CSMD1: variants seen among roughly 807,000 people sequenced by gnomAD.
CSMD1 encodes the protein CUB and sushi domain-containing protein 1.
CSMD1 carries 213 observed loss-of-function variants against 417.5 expected under a neutral mutation model. The observed-to-expected ratio is 0.51, with a 90% confidence interval of 0.46 to 0.57. The LOEUF (loss-of-function observed/expected upper bound fraction) is 0.57, where lower values mean the gene tolerates loss of function less well. Ranked by LOEUF, CSMD1 falls within the 20% of genes least tolerant of loss-of-function variation. The pLI, the probability that CSMD1 is intolerant of heterozygous loss-of-function variation, is 0.00. For synonymous variants in CSMD1, 2,862 were observed against 1,736.8 expected (o/e 1.65, Z -16.11); for missense variants, 6,923 against 4,529.7 (o/e 1.53, Z -15.17).
At chr8:3,683,921 C>G (rs1034103817) in intron 7 of CSMD1, among the ~76,000 whole-genome samples, 1 of 151,928 alleles carries the variant, frequency 6.6e-6, no homozygotes, top group South Asian at 2.1e-4. Context: ...GACTGTTAGA[C>G]CACTAAGTTT....
At chr8:4,018,021 G>A (rs60003008) in intron 4 of CSMD1, among the ~76,000 whole-genome samples, 3 of 152,038 alleles carry the variant, frequency 2.0e-5, no homozygotes, top group African/African-American at 4.8e-5. Flanking sequence ...TTGTCCACTC[G>A]TAACTGTCAT....
chr8:4,755,470 A>C lies in CSMD1; in HGVS notation c.86-117912T>G, dbSNP rs1476003946. ...TTATTTAAATAAATTTACTGTTTCT[A>C]TGATTGACATTTATTTTTGGCATAA... On this transcript the variant is annotated intron_variant, in intron 1 of 69. Transcript: ENST00000635120. Among the ~76,000 whole-genome samples the C allele has an allele frequency of 2.6e-5, 4 of 152,064 alleles. No individual in the cohort carries two copies. In the East Asian group the frequency reaches 7.7e-4, roughly 29 times the overall value.
At chr8:4,108,132 G>C (rs1010353225) in intron 3 of CSMD1, among the ~76,000 whole-genome samples, 3 of 151,884 alleles carry the variant, frequency 2.0e-5, no homozygotes, top group Non-Finnish European at 2.9e-5. Context: ...AGGAGGGTAG[G>C]GAAGGGGAGA....
At chr8:4,240,027 C>T (rs527295100) in intron 3 of CSMD1, among the ~76,000 whole-genome samples, 29 of 152,348 alleles carry the variant, frequency 1.9e-4, no homozygotes, top group Admixed American at 1.4e-3. Context: ...AGAAGTCCCA[C>T]ATATTTCTTG....
chr8:3,801,971 A>G (rs1800482190), intron 5 of CSMD1, among the ~76,000 whole-genome samples: 1 of 152,088 alleles, frequency 6.6e-6, no homozygotes, highest in South Asian at 2.1e-4. Context: ...GGTACAGAAC[A>G]TTTTTTAGGG....
At chr8:4,158,998 C>T (rs553915784) in intron 3 of CSMD1, among the ~76,000 whole-genome samples, 1 of 152,176 alleles carries the variant, frequency 6.6e-6, no homozygotes, top group Non-Finnish European at 1.5e-5. Flanking sequence ...TCACCACAAC[C>T]TTCACCTCCC....
intron 50 of CSMD1, among the ~76,000 whole-genome samples, chr8:3,037,651 G>A (rs532163477): frequency 6.6e-6 from 1 of 152,178 alleles, no homozygotes; most frequent in East Asian, 1.9e-4. Context: ...AGAGGATATG[G>A]GATTCTTAAG....
chr8:4,666,171 G>C (rs1377497367), intron 1 of CSMD1, among the ~76,000 whole-genome samples: 1 of 152,076 alleles, frequency 6.6e-6, no homozygotes, highest in South Asian at 2.1e-4. Flanking sequence ...GCAGAATAAT[G>C]ACCTCCCAAG....
At chr8:4,356,945 A>C (rs1032000482) in intron 3 of CSMD1, among the ~76,000 whole-genome samples, 1 of 152,236 alleles carries the variant, frequency 6.6e-6, no homozygotes, top group Non-Finnish European at 1.5e-5. Flanking sequence ...AATATGTGAA[A>C]TATAATAGCA....
In CSMD1 at chr8:2,937,402, AATGCAAT is replaced by A. The variant is rs1801552188; in HGVS notation, c.*1176_*1182del. On this transcript the variant is annotated 3_prime_UTR_variant, in exon 70 of 70. Transcript: ENST00000635120. Reference sequence around the variant, plus strand: ...GTGCTACTGTGGTATATTGTCTTTCAATGCAATATCAAAGATCGATGGCACAGTAAAA... The same window carrying A: ...GTGCTACTGTGGTATATTGTCTTTCAATCAAAGATCGATGGCACAGTAAAA... 6.6e-6 allele frequency: 1 copy of A among 150,854 alleles called. No homozygotes were observed. Among genetic ancestry groups the A allele is most frequent in the South Asian group, 2.1e-4 (1 of 4,748 alleles). The allele number at this position is 150,854 out of a possible 1,614,324, so 9.3% of individuals were successfully genotyped here.
chr8:4,173,108 C>CGGAGGAAGTAACTATACAGT (rs1171227051), intron 3 of CSMD1, among the ~76,000 whole-genome samples: 4 of 151,988 alleles, frequency 2.6e-5, no homozygotes, highest in Admixed American at 6.5e-5. Context: ...ATGAACCACA[C>CGGAGGAAGTAACTATACAGT]GGAGGAAGTA....
chr8:3,623,751 A>T (rs1425829823), intron 7 of CSMD1, among the ~76,000 whole-genome samples: 1 of 152,124 alleles, frequency 6.6e-6, no homozygotes, highest in African/African-American at 2.4e-5. Context: ...CAAGGCAGGC[A>T]GATCACCTGA....
In CSMD1 at chr8:3,045,469, T is replaced by C. The variant is rs548657721; in HGVS notation, c.7660+6993A>G. 1.2e-4 allele frequency among the ~76,000 whole-genome samples: 18 copies of C among 152,358 alleles called. No homozygotes were observed. The South Asian group carries it at 3.7e-3, about 32-fold the overall frequency. Reference sequence around the variant, plus strand: ...CATAGGCACAAAACCGTTCTATTGATTGATACATTTACCTGTGAACTGCAA... The same window carrying C: ...CATAGGCACAAAACCGTTCTATTGACTGATACATTTACCTGTGAACTGCAA... On this transcript the variant is annotated intron_variant, in intron 50 of 69. Transcript: ENST00000635120.
At chr8:4,933,243 G>T (rs1203665663) in intron 1 of CSMD1, among the ~76,000 whole-genome samples, 1 of 151,684 alleles carries the variant, frequency 6.6e-6, no homozygotes, top group African/African-American at 2.4e-5. Flanking sequence ...AGTATGATAT[G>T]ACGGCACTAG....
chr8:4,407,023 CCT>C (rs1267191492), intron 3 of CSMD1, among the ~76,000 whole-genome samples: 1 of 152,142 alleles, frequency 6.6e-6, no homozygotes, highest in Non-Finnish European at 1.5e-5. Context: ...CTACGGGTCC[CCT>C]GTCTTGGTAA....
chr8:3,979,467 G>A (rs1245758250), intron 5 of CSMD1, among the ~76,000 whole-genome samples: 2 of 152,174 alleles, frequency 1.3e-5, no homozygotes, highest in African/African-American at 4.8e-5. Flanking sequence ...AGGATACAGT[G>A]TGTCTTTGGC....
At chr8:3,438,472 C>A (rs7826618) in intron 12 of CSMD1, among the ~76,000 whole-genome samples, 1 of 151,972 alleles carries the variant, frequency 6.6e-6, no homozygotes, top group Non-Finnish European at 1.5e-5. Context: ...AATCTCTTCT[C>A]TCTTCCTATA....
chr8:4,947,972 T>G (rs1221874139), intron 1 of CSMD1, among the ~76,000 whole-genome samples: 1 of 152,098 alleles, frequency 6.6e-6, no homozygotes, highest in Non-Finnish European at 1.5e-5. Flanking sequence ...TTTTAAGATA[T>G]CCATAAAAAA....
chr8:4,579,088 T>C (rs1188158666), intron 2 of CSMD1, among the ~76,000 whole-genome samples: 2 of 151,778 alleles, frequency 1.3e-5, no homozygotes, highest in African/African-American at 4.8e-5. Context: ...ATTTATACAG[T>C]TTATAAAGAG....
Sources: allele counts gnomAD v4.1 joint callset (sites outside exome capture counted in the v4.1 genomes callset), GRCh38; gene constraint gnomAD v4.1.1; transcripts MANE v1.5; gene names NCBI Gene and HGNC (gene_info 2026-07-23, HGNC 2026-07-21).